The following OPCML variants were observed in gnomAD, a reference collection of about 807,000 sequenced individuals.
OPCML encodes the protein opioid-binding protein/cell adhesion molecule.
Under a neutral mutation model 37.8 loss-of-function variants are expected in OPCML, and 13 were observed. The observed-to-expected ratio is 0.34, with a 90% CI of 0.22 to 0.55. The LOEUF (loss-of-function observed/expected upper bound fraction) is 0.55, where lower values mean the gene tolerates loss of function less well. Among genes scored for constraint, OPCML ranks in the 20% least tolerant of loss-of-function variants. The pLI, the probability that OPCML is intolerant of heterozygous loss-of-function variation, is 0.91. For missense variants in OPCML, 341 were observed against 435.6 expected, an observed-to-expected ratio of 0.78 and a Z score of 1.93; for synonymous variants, 176 against 168.8, an observed-to-expected ratio of 1.04 and a Z score of -0.33.
chr11:132,525,645 A>T (rs1379556936), intron 4 of OPCML, among the ~76,000 whole-genome samples: 1 of 152,218 alleles, frequency 6.6e-6, no homozygotes, highest in Non-Finnish European at 1.5e-5. Context: ...AAATATTGGC[A>T]GTCACCCTGC....
chr11:133,113,143 C>T (rs1949282717), intron 1 of OPCML, among the ~76,000 whole-genome samples: 1 of 152,180 alleles, frequency 6.6e-6, no homozygotes, highest in Admixed American at 6.5e-5. Flanking sequence ...GCAAAAAAGC[C>T]ATCCTTTATA....
chr11:133,490,881 C>G (rs1380788838), intron 1 of OPCML, among the ~76,000 whole-genome samples: 1 of 152,212 alleles, frequency 6.6e-6, no homozygotes, highest in Non-Finnish European at 1.5e-5. Flanking sequence ...TTATGCTGTT[C>G]CATAACTCTT....
At chr11:133,190,863 A>G (rs144141154) in intron 1 of OPCML, among the ~76,000 whole-genome samples, 260 of 152,252 alleles carry the variant, frequency 1.7e-3, no homozygotes, top group African/African-American at 5.8e-3. Flanking sequence ...GCTTGACTAT[A>G]TTCTACTTAT....
At chr11:133,171,135 C>T (rs1950283378) in intron 1 of OPCML, among the ~76,000 whole-genome samples, 2 of 152,352 alleles carry the variant, frequency 1.3e-5, no homozygotes, top group South Asian at 4.1e-4. Context: ...CCCTATACCT[C>T]TTTGTTTTAC....
intron 1 of OPCML, among the ~76,000 whole-genome samples, chr11:133,491,229 C>A (rs576323247): frequency 6.6e-6 from 1 of 152,282 alleles, no homozygotes; most frequent in Non-Finnish European, 1.5e-5. Context: ...TCAGCCCAGA[C>A]ACTCCCTTGC....
Position 132,723,061 on chromosome 11 carries a change from C to G in OPCML, c.147-65742G>C, listed in dbSNP as rs141451038. The stretch of plus-strand genomic sequence containing the variant: ...GATCATTCTAGACCAAAAAGAGAAC[C>G]TGATAATGCACTTTGCCTAGACAGA... On this transcript the variant is annotated intron_variant, in intron 2 of 7. Coordinates refer to ENST00000524381, the MANE Select transcript of OPCML (RefSeq NM_001012393.5). 3.3e-5 allele frequency among the ~76,000 whole-genome samples: 5 copies of G among 152,228 alleles called. No homozygotes were observed. In the East Asian group the frequency reaches 9.7e-4, roughly 29 times the overall value.
At chr11:133,386,351 C>T (rs1354921770) in intron 1 of OPCML, among the ~76,000 whole-genome samples, 1 of 152,198 alleles carries the variant, frequency 6.6e-6, no homozygotes, top group African/African-American at 2.4e-5. Context: ...AATAAATCCA[C>T]TTCCTCTTTC....
intron 3 of OPCML, among the ~76,000 whole-genome samples, chr11:132,547,340 G>A (rs1310738746): frequency 6.6e-6 from 1 of 152,190 alleles, no homozygotes; most frequent in African/African-American, 2.4e-5. Context: ...CTATCCCTAA[G>A]ACAAAGAGGG....
intron 2 of OPCML, among the ~76,000 whole-genome samples, chr11:132,776,081 C>T (rs979075844): frequency 6.6e-6 from 1 of 152,132 alleles, no homozygotes. Context: ...AGGCATGCCT[C>T]ACCATGCCTG....
chr11:133,401,902 A>C (rs1945412245), intron 1 of OPCML, among the ~76,000 whole-genome samples: 1 of 152,222 alleles, frequency 6.6e-6, no homozygotes, highest in South Asian at 2.1e-4. Context: ...TACTCACAGC[A>C]GTGAGTTCTC....
chr11:132,863,225 C>G (rs947077443), intron 2 of OPCML, among the ~76,000 whole-genome samples: 5 of 152,314 alleles, frequency 3.3e-5, no homozygotes, highest in Middle Eastern at 6.8e-3. Flanking sequence ...CTGAGCCCAA[C>G]AAGCTCACTC....
chr11:132,559,342 G>A (rs576790190), intron 3 of OPCML, among the ~76,000 whole-genome samples: 2 of 152,276 alleles, frequency 1.3e-5, no homozygotes. Context: ...AAAGGGAAAA[G>A]GAGGGGTGGA....
intron 1 of OPCML, among the ~76,000 whole-genome samples, chr11:133,477,731 G>A (rs144255518): frequency 0.013 from 2,014 of 152,280 alleles, 55 homozygotes; most frequent in African/African-American, 0.046. Flanking sequence ...CTTCAAGAGA[G>A]AGGAAGGACT....
intron 1 of OPCML, among the ~76,000 whole-genome samples, chr11:133,321,241 G>A (rs1943323504): frequency 6.6e-6 from 1 of 152,082 alleles, no homozygotes; most frequent in African/African-American, 2.4e-5. Context: ...TGGAATGAAG[G>A]TGCAGTGCTG....
At chr11:133,302,301 G>T (rs2136568357) in intron 1 of OPCML, 1 of 152,348 alleles carries the variant, frequency 6.6e-6, no homozygotes, top group South Asian at 2.1e-4. Flanking sequence ...GAGATCTGTT[G>T]GTTTTGTAAG....
chr11:132,606,678 TGACTGCC>T (rs1938322954), intron 3 of OPCML, among the ~76,000 whole-genome samples: 1 of 37,168 alleles, frequency 2.7e-5, no homozygotes, highest in Admixed American at 2.2e-4. Flanking sequence ...AATGGGACCG[TGACTGCC>T]GTGACTGCAC....
At chr11:133,496,840 C>T (rs140373484) in intron 1 of OPCML, among the ~76,000 whole-genome samples, 2,224 of 152,282 alleles carry the variant, frequency 0.015, 56 homozygotes, top group African/African-American at 0.051. Flanking sequence ...ATTATATTGT[C>T]AGCAAACAGG....
intron 4 of OPCML, among the ~76,000 whole-genome samples, chr11:132,461,552 A>C (rs1247478120): frequency 2.0e-5 from 3 of 152,186 alleles, no homozygotes; most frequent in Non-Finnish European, 4.4e-5. Flanking sequence ...GGGTAAACAA[A>C]AAAATGGTGT....
chr11:133,151,255 A>G (rs960554955), intron 1 of OPCML, among the ~76,000 whole-genome samples: 5 of 152,044 alleles, frequency 3.3e-5, no homozygotes, highest in African/African-American at 1.2e-4. Context: ...CCTGGGCAAC[A>G]GAGCGAGACT....
Sources: gnomAD v4.1 joint callset for allele counts (sites outside exome capture counted in the v4.1 genomes callset) on GRCh38, gnomAD v4.1.1 for gene constraint, MANE v1.5 for transcripts, NCBI Gene and HGNC (gene_info 2026-07-23, HGNC 2026-07-21) for gene names.